The following SMG5 variants were observed in gnomAD, a reference collection of about 807,000 sequenced individuals.
SMG5 encodes nonsense-mediated mRNA decay factor SMG5.
Under a neutral mutation model 122.9 loss-of-function variants are expected in SMG5, and 53 were observed. The ratio of observed to expected loss-of-function variants is 0.43; its 90% confidence interval spans 0.35 to 0.54. The LOEUF (loss-of-function observed/expected upper bound fraction) is 0.54, where lower values mean the gene tolerates loss of function less well. Among genes scored for constraint, SMG5 ranks in the 20% least tolerant of loss-of-function variants. SMG5 has a pLI of 0.01. For missense variants in SMG5, 1,153 were observed against 1,285.6 expected (o/e 0.90, Z 1.58); for synonymous variants, 477 against 490.2 (o/e 0.97, Z 0.35).
chr1:156,260,093 T>C (rs1210219512), intron 15 of SMG5, among the ~76,000 whole-genome samples: 4 of 152,134 alleles, frequency 2.6e-5, no homozygotes, highest in African/African-American at 7.2e-5. Context: ...CTTTCTATGA[T>C]TGTTTGATGT....
intron 12 of SMG5, among the ~76,000 whole-genome samples, chr1:156,264,955 G>T (rs1202498439): frequency 6.6e-6 from 1 of 151,438 alleles, no homozygotes; most frequent in Non-Finnish European, 1.5e-5. Flanking sequence ...CAACCTGGGA[G>T]GCAGAAGCTG....
At chr1:156,290,608 C>T in the SMG5 span, 1 of 151,250 alleles carries the variant, frequency 6.6e-6, no homozygotes, top group Non-Finnish European at 1.5e-5. Flanking sequence ...GAGGCCAAGG[C>T]AGGCGGATCA....
At chr1:156,291,164 C>G in the SMG5 span, 2 of 560,472 alleles carry the variant, frequency 3.6e-6, no homozygotes, top group Admixed American at 6.2e-5. Context: ...ATAACATACT[C>G]AACTTCATAA....
At chr1:156,254,302 T>A (rs1305198993) in intron 16 of SMG5, among the ~76,000 whole-genome samples, 1 of 152,234 alleles carries the variant, frequency 6.6e-6, no homozygotes, top group Non-Finnish European at 1.5e-5. Flanking sequence ...ATGCCCATTA[T>A]AGCCCTGCTT....
chr1:156,252,854 C>T (rs1661411218), intron 18 of SMG5, 65 bp downstream of exon 18: 1 of 1,452,932 alleles, frequency 6.9e-7, no homozygotes, highest in African/African-American at 1.4e-5. Context: ...AATAAGGTCT[C>T]TTAATCCCAA....
the SMG5 span, among the ~76,000 whole-genome samples, chr1:156,287,995 A>ACC: frequency 7.2e-5 from 11 of 151,812 alleles, no homozygotes; most frequent in Non-Finnish European, 1.2e-4. Flanking sequence ...CGGGCAGATC[A>ACC]TGAGGTCAGG....
chr1:156,275,217 C>T (rs1011834406), intron 4 of SMG5, among the ~76,000 whole-genome samples: 2 of 151,094 alleles, frequency 1.3e-5, no homozygotes, highest in Non-Finnish European at 2.9e-5. Flanking sequence ...GAGGCTAAGG[C>T]AGATGCTCCT....
intron 4 of SMG5, among the ~76,000 whole-genome samples, chr1:156,275,729 T>TG (rs1662651375): frequency 6.6e-6 from 1 of 152,012 alleles, no homozygotes; most frequent in Admixed American, 6.6e-5. Context: ...GAAGTGATCT[T>TG]TTTTTTAAAG....
rs1200548987 is a variant in SMG5, at chr1:156,261,417, A to G, written c.2032-9T>C. ...CACAGACTTTGAGAGCTCTGGGGAG[A>G]GAGAAGGGAGAGGAGGCCTTCAGCT... On this transcript the variant is annotated splice_polypyrimidine_tract_variant and intron_variant, in intron 13 of 21. Coordinates refer to ENST00000361813, the MANE Select transcript of SMG5 (RefSeq NM_015327.3). The G allele has an allele frequency of 6.2e-7, 1 of 1,613,084 alleles. No homozygotes were observed. The highest frequency in any genetic ancestry group is 1.3e-5 in the African/African-American group (1 of 74,876).
At position 156,250,922 on chromosome 1, in the gene SMG5, C is replaced by A. The variant is rs1459132782; in HGVS notation, c.2903G>T (p.Gly968Val). ...AQGAGEEDPS[G>V]MVTIITGLPL... Reference sequence around the variant, plus strand: ...AAGGCCTGTGATGATGGTCACCATGCCACTCGGATCCTCCTCACCTGCCCC... The same window carrying A: ...AAGGCCTGTGATGATGGTCACCATGACACTCGGATCCTCCTCACCTGCCCC... The change falls in exon 21 of 22, where the codon GGC becomes GTC. Residue 968 changes from glycine to valine, a missense_variant. Physicochemically the swap from Gly to Val is moderately radical, Grantham distance 109. Around this residue, in one of 5 missense-constraint regions of SMG5, gnomAD observed 84 missense variants for 82.3 expected, o/e 1.02. Coordinates refer to ENST00000361813, the MANE Select transcript of SMG5 (RefSeq NM_015327.3). 3 of 1,613,842 alleles carry A rather than the reference C, an allele frequency of 1.9e-6. No homozygotes were observed. Among genetic ancestry groups the A allele is most frequent in the Non-Finnish European group, 2.5e-6 (3 of 1,179,910 alleles).
intron 10 of SMG5, 90 bp from the exon 11 acceptor site, chr1:156,266,768 C>A: frequency 2.2e-6 from 3 of 1,376,396 alleles, no homozygotes; most frequent in Non-Finnish European, 3.0e-6. Context: ...CTGTTCTCAA[C>A]TCTTCCAAGG....
chr1:156,270,971 C>T (rs979608348), intron 7 of SMG5, among the ~76,000 whole-genome samples: 6 of 151,312 alleles, frequency 4.0e-5, no homozygotes, highest in African/African-American at 1.5e-4. Flanking sequence ...CATGCCATTG[C>T]ACTCCAGCCT....
chr1:156,251,109 C>G, intron 20 of SMG5, 113 bp from the exon 21 acceptor site: 1 of 1,413,678 alleles, frequency 7.1e-7, no homozygotes, highest in Non-Finnish European at 9.7e-7. Flanking sequence ...CAGTGAGCAG[C>G]AGTGGGCCCT....
intron 5 of SMG5, among the ~76,000 whole-genome samples, chr1:156,274,329 C>T (rs1662581868): frequency 6.6e-6 from 1 of 152,178 alleles, no homozygotes; most frequent in African/African-American, 2.4e-5. Context: ...TTAAAATCTT[C>T]CCAACCCACT....
intron 21 of SMG5, 83 bp downstream of exon 21, chr1:156,250,775 C>G: frequency 6.2e-7 from 1 of 1,604,404 alleles, no homozygotes; most frequent in Non-Finnish European, 8.5e-7. Flanking sequence ...AAAAAGGTAG[C>G]TATGTGGAGG....
Position 156,266,161 on chromosome 1 carries a change from C to T in SMG5, c.1475G>A (p.Gly492Asp). The T allele has an allele frequency of 6.2e-7, 1 of 1,614,256 alleles. No homozygotes were observed. The highest frequency in any genetic ancestry group is 8.5e-7 in the Non-Finnish European group (1 of 1,180,048). The stretch of plus-strand genomic sequence containing the variant: ...ACTCTTGTCAGAGCCACTGTCTGAG[C>T]CCTCACTGGCCCGGGCTGAGTCATG... ...SSHDSARASE[G>D]SDSGSDKSLE... is the part of the protein sequence containing the mutation. Residue 492 changes from glycine to aspartate, a missense_variant, in exon 12 of 22, where the codon GGC becomes GAC. Physicochemically the swap from Gly to Asp is moderately conservative, Grantham distance 94. This residue lies in a region of SMG5 where 631 missense variants were observed against 650.6 expected (regional missense o/e 0.97). Transcript: ENST00000361813.
intron 18 of SMG5, 199 bp from the exon 19 acceptor site, chr1:156,252,703 C>G (rs1416330985): frequency 6.7e-6 from 5 of 745,568 alleles, no homozygotes; most frequent in Non-Finnish European, 1.1e-5. Context: ...AGTGCTTTCT[C>G]ATTATATTCA....
At chr1:156,264,130 T>A (rs902795078) in intron 12 of SMG5, among the ~76,000 whole-genome samples, 1 of 151,580 alleles carries the variant, frequency 6.6e-6, no homozygotes, top group African/African-American at 2.4e-5. Flanking sequence ...TAGCTGGGTG[T>A]GGTGGTGCAT....
the SMG5 span, chr1:156,291,035 G>A: frequency 1.6e-5 from 4 of 251,122 alleles, no homozygotes; most frequent in African/African-American, 2.2e-5. Flanking sequence ...AGCTACTCAG[G>A]AGTCTGAGGT....
Sources: allele counts gnomAD v4.1 joint callset (sites outside exome capture counted in the v4.1 genomes callset), GRCh38; gene constraint gnomAD v4.1.1; regional missense constraint gnomAD v4.1.1; transcripts MANE v1.5; gene names NCBI Gene and HGNC (gene_info 2026-07-23, HGNC 2026-07-21).